GBE1: variants seen among roughly 807,000 people sequenced by gnomAD.
GBE1 encodes the protein 1,4-alpha-glucan-branching enzyme.
A neutral mutation model predicts 88.8 loss-of-function variants in GBE1; 70 were observed. The observed-to-expected ratio is 0.79, with a 90% confidence interval of 0.65 to 0.96. The LOEUF is 0.96. GBE1 is among the 40% of genes least tolerant of loss of function. GBE1 has a pLI of 0.00. For missense variants in GBE1, 872 were observed against 871.0 expected (o/e 1.00, Z -0.01); for synonymous variants, 284 against 300.1 (o/e 0.95, Z 0.56).
At chr3:81,512,057 G>A (rs772670360) in intron 14 of GBE1, among the ~76,000 whole-genome samples, 1 of 151,914 alleles carries the variant, frequency 6.6e-6, no homozygotes, top group Non-Finnish European at 1.5e-5. Context: ...CATGGATGTA[G>A]CTAGAGGTCA....
chr3:81,531,864 T>C (rs984789934), intron 14 of GBE1, among the ~76,000 whole-genome samples: 1 of 152,054 alleles, frequency 6.6e-6, no homozygotes, highest in Non-Finnish European at 1.5e-5. Context: ...GTGTGCAGTG[T>C]TGGGTCTAGC....
chr3:81,700,492 C>G (rs1347816545), intron 2 of GBE1, among the ~76,000 whole-genome samples: 1 of 152,050 alleles, frequency 6.6e-6, no homozygotes, highest in Non-Finnish European at 1.5e-5. Context: ...TTATTAGATT[C>G]TACAGAAATA....
intron 3 of GBE1, among the ~76,000 whole-genome samples, chr3:81,667,960 G>A (rs1705136761): frequency 2.6e-5 from 4 of 152,154 alleles, no homozygotes; most frequent in Non-Finnish European, 5.9e-5. Flanking sequence ...GCAAAGACAT[G>A]GAACCAACCC....
chr3:81,530,549 G>T (rs1702998261), intron 14 of GBE1, among the ~76,000 whole-genome samples: 1 of 151,880 alleles, frequency 6.6e-6, no homozygotes, highest in Non-Finnish European at 1.5e-5. Context: ...CGTATTAAGG[G>T]GCTCCACTCT....
At position 81,618,033 on chromosome 3, in the gene GBE1, TG is replaced by T. The variant is rs908656301; in HGVS notation, c.993-24011del. On this transcript the variant is annotated intron_variant, in intron 7 of 15. Coordinates refer to ENST00000429644, the MANE Select transcript of GBE1 (RefSeq NM_000158.4). ...TAGTATCCTTTTACTGTTATTTTGA[TG>T]TCTGCACAGTGACATAAGTTAAAAA... Among the ~76,000 whole-genome samples, 3 of 152,082 alleles carry T rather than the reference TG, an allele frequency of 2.0e-5. No homozygotes were observed. The East Asian group carries it at 5.8e-4, about 29-fold the overall frequency.
intron 10 of GBE1, 78 bp from the exon 11 acceptor site, chr3:81,581,353 C>T (rs867374147): frequency 3.1e-5 from 25 of 800,040 alleles, no homozygotes; most frequent in Middle Eastern, 4.5e-4. Context: ...TGAAGTTATG[C>T]ATTATATCAG....
chr3:81,537,051 CT>C lies in GBE1; in HGVS notation c.1662del (p.Gly555GlufsTer15). 1 of 1,566,294 alleles carries C rather than the reference CT, an allele frequency of 6.4e-7. No individual in the cohort carries two copies. Among genetic ancestry groups the C allele is most frequent in the Admixed American group, 1.9e-5 (1 of 51,998 alleles). ...GHPEWLDFPR[K>X]GNNESYHYAR... ...GCATAATGGTAACTCTCATTATTTC[CT>C]TTTCTTGGGAAGTCTAACCATTCAG... On this transcript the variant is annotated frameshift_variant, in exon 13 of 16. Transcript: ENST00000429644. LOFTEE classifies it high-confidence loss of function.
intron 1 of GBE1, among the ~76,000 whole-genome samples, chr3:81,723,225 T>A (rs1194860597): frequency 6.6e-6 from 1 of 151,232 alleles, no homozygotes. Flanking sequence ...TACCAGAAAC[T>A]GACATATATC....
intron 1 of GBE1, among the ~76,000 whole-genome samples, chr3:81,720,377 T>C (rs1706009353): frequency 6.6e-6 from 1 of 150,626 alleles, no homozygotes. Flanking sequence ...TATATATATA[T>C]ATATCTTATA....
At chr3:81,709,983 T>C (rs1705835234) in intron 1 of GBE1, among the ~76,000 whole-genome samples, 1 of 152,160 alleles carries the variant, frequency 6.6e-6, no homozygotes, top group South Asian at 2.1e-4. Flanking sequence ...TTTGTATAGA[T>C]ATAAAGAACT....
intron 14 of GBE1, among the ~76,000 whole-genome samples, chr3:81,531,786 A>T (rs1156644212): frequency 2.0e-5 from 3 of 152,032 alleles, no homozygotes; most frequent in Non-Finnish European, 4.4e-5. Context: ...CAACACCAGG[A>T]CTTGCTTAGG....
intron 1 of GBE1, among the ~76,000 whole-genome samples, chr3:81,731,929 A>G (rs975269434): frequency 1.9e-4 from 29 of 152,150 alleles, no homozygotes; most frequent in Non-Finnish European, 3.8e-4. Flanking sequence ...CCCTACATAC[A>G]TAAGTCTAAA....
At chr3:81,679,889 C>A (rs1705313014) in intron 2 of GBE1, among the ~76,000 whole-genome samples, 1 of 152,096 alleles carries the variant, frequency 6.6e-6, no homozygotes, top group African/African-American at 2.4e-5. Context: ...TCAATTATCT[C>A]AAAATAGATT....
chr3:81,569,374 A>G (rs1351957298), intron 12 of GBE1, among the ~76,000 whole-genome samples: 1 of 152,260 alleles, frequency 6.6e-6, no homozygotes, highest in African/African-American at 2.4e-5. Context: ...AGTAATACAT[A>G]GCAATATGTA....
intron 12 of GBE1, among the ~76,000 whole-genome samples, chr3:81,573,148 TAAC>T (rs1439522592): frequency 6.6e-6 from 1 of 152,248 alleles, no homozygotes; most frequent in African/African-American, 2.4e-5. Flanking sequence ...ACTGAAGAGT[TAAC>T]AATATTTTAA....
At chr3:81,641,024 T>C (rs12629752) in intron 7 of GBE1, among the ~76,000 whole-genome samples, 6,099 of 152,230 alleles carry the variant, frequency 0.04, 458 homozygotes, top group East Asian at 0.35. Flanking sequence ...CCCTTTTGTT[T>C]AGAAAATTGG....
chr3:81,649,486 T>G (rs896288690), intron 4 of GBE1, among the ~76,000 whole-genome samples: 5 of 150,638 alleles, frequency 3.3e-5, no homozygotes, highest in Non-Finnish European at 7.4e-5. Context: ...CACTAAAGAG[T>G]CTCTGATCAA....
At chr3:81,516,858 C>A (rs1460171759) in intron 14 of GBE1, among the ~76,000 whole-genome samples, 3 of 151,644 alleles carry the variant, frequency 2.0e-5, no homozygotes, top group Non-Finnish European at 4.4e-5. Flanking sequence ...GAAGTGAAAC[C>A]TAAAGACGTG....
At chr3:81,544,899 A>G (rs796329601) in intron 12 of GBE1, among the ~76,000 whole-genome samples, 8 of 152,084 alleles carry the variant, frequency 5.3e-5, no homozygotes, top group African/African-American at 1.9e-4. Flanking sequence ...AGGTTTGTGT[A>G]TTTTTTTTCT....
Sources: gnomAD v4.1 joint callset for allele counts (sites outside exome capture counted in the v4.1 genomes callset) on GRCh38, gnomAD v4.1.1 for gene constraint, MANE v1.5 for transcripts, NCBI Gene and HGNC (gene_info 2026-07-23, HGNC 2026-07-21) for gene names.